Variants in TOPBP1 observed in about 807,000 individuals in gnomAD.
TOPBP1 encodes the protein DNA topoisomerase 2-binding protein 1.
TOPBP1 carries 28 observed loss-of-function variants against 167.7 expected under a neutral mutation model. The observed-to-expected ratio is 0.17, with a 90% confidence interval of 0.12 to 0.23. The LOEUF is 0.23. Among genes scored for constraint, TOPBP1 ranks in the 10% least tolerant of loss-of-function variants. The probability of loss-of-function intolerance (pLI) is 1.00; values close to 1 mark genes in which losing one functional copy is unlikely to be tolerated. For synonymous variants in TOPBP1, 598 were observed against 611.4 expected, an observed-to-expected ratio of 0.98 and a Z score of 0.32; for missense variants, 1,554 against 1,809.6, an observed-to-expected ratio of 0.86 and a Z score of 2.56.
At chr3:133,652,660 G>C in intron 7 of TOPBP1, 31 bp from the exon 8 acceptor site, 1 of 1,538,322 alleles carries the variant, frequency 6.5e-7, no homozygotes. Context: ...TAAATTTATG[G>C]GAGATAAAAT....
intron 1 of TOPBP1, 105 bp from the exon 2 acceptor site, chr3:133,661,239 G>T: frequency 1.3e-6 from 1 of 783,752 alleles, no homozygotes; most frequent in Middle Eastern, 2.5e-4. Flanking sequence ...CCTAAAGACA[G>T]ACATTCTGGC....
chr3:133,622,293 C>T (rs189869539), intron 19 of TOPBP1, among the ~76,000 whole-genome samples: 172 of 148,232 alleles, frequency 1.2e-3, no homozygotes, highest in African/African-American at 3.2e-3. Flanking sequence ...CGAGTTCAAG[C>T]GATTCTCCTG....
rs1658766664 is a variant in TOPBP1, at chr3:133,644,122, G to A, written c.1746C>T (p.Ile582=). 6.2e-6 allele frequency: 10 copies of A among 1,613,802 alleles called. No individual in the cohort carries two copies. The highest frequency in any genetic ancestry group is 1.7e-5 in the Admixed American group (1 of 59,982). The change falls in exon 11 of 28, where the codon ATC becomes ATT. Residue 582 remains isoleucine, a synonymous_variant. Transcript: ENST00000260810. The part of the protein sequence containing the change: ...ANIIKENAGK[I]MSLLSRTVAD... The stretch of plus-strand genomic sequence containing the variant: ...CAACAGTTCTGCTCAGAAGGGACAT[G>A]ATTTTCCCAGCATTTTCTTTTATGA...
chr3:133,649,973 A>G (rs752922179), intron 8 of TOPBP1, 30 bp from the exon 9 acceptor site: 2 of 1,497,970 alleles, frequency 1.3e-6, no homozygotes, highest in Non-Finnish European at 1.8e-6. Flanking sequence ...TAATATACAT[A>G]ACATGCTTTC....
rs780543053 is a variant in TOPBP1, at chr3:133,601,328, CTTA to C, written c.4488_4490del (p.Asn1496del). 6.3e-7 allele frequency: 1 copy of C among 1,598,484 alleles called. No individual in the cohort carries two copies. Among genetic ancestry groups the C allele is most frequent in the Non-Finnish European group, 8.5e-7 (1 of 1,172,960 alleles). On this transcript the variant is annotated inframe_deletion, in exon 28 of 28. Coordinates refer to ENST00000260810, the MANE Select transcript of TOPBP1 (RefSeq NM_007027.4). ...TTTGTGATAATCCAGTCCCAAGTTC[CTTA>C]TTATTCTGAATAAATGAAATAGCTT...
At chr3:133,653,629 ATTT>A (rs758153679) in intron 6 of TOPBP1, 105 bp from the exon 7 acceptor site, 1,436 of 769,676 alleles carry the variant, frequency 1.9e-3, no homozygotes, top group South Asian at 3.8e-3. Flanking sequence ...ACAGGTTAAT[ATTT>A]TTTTTTTTTT....
chr3:133,656,667 C>A lies in TOPBP1; in HGVS notation c.545+9G>T. On this transcript the variant is annotated intron_variant, in intron 5 of 27. Transcript: ENST00000260810. ...TCAAATCTAGAAAATATAAAAATGTCTTTCTTACTTCTCTTGTGACTTCTC... is the reference window on the plus strand; with the variant it reads ...TCAAATCTAGAAAATATAAAAATGTATTTCTTACTTCTCTTGTGACTTCTC... The A allele has an allele frequency of 5.1e-6, 8 of 1,577,482 alleles. No homozygotes were observed. The highest frequency in any genetic ancestry group is 6.9e-6 in the Non-Finnish European group (8 of 1,164,968).
chr3:133,659,296 G>A, intron 2 of TOPBP1, 146 bp from the exon 3 acceptor site: 1 of 770,080 alleles, frequency 1.3e-6, no homozygotes, highest in Non-Finnish European at 2.0e-6. Context: ...CTCCCAAGTG[G>A]TCTCTTTTTC....
At chr3:133,616,181 G>A (rs913339262) in intron 23 of TOPBP1, among the ~76,000 whole-genome samples, 1 of 150,116 alleles carries the variant, frequency 6.7e-6, no homozygotes, top group African/African-American at 2.5e-5. Flanking sequence ...GTACAGTGGC[G>A]CTATCTTGGC....
At position 133,637,976 on chromosome 3, in the gene TOPBP1, G is replaced by T; in HGVS notation, c.2420C>A (p.Ala807Glu). 1 of 1,613,970 alleles carries T rather than the reference G, an allele frequency of 6.2e-7. No homozygotes were observed. ...CTCCTTCTGAAGTGGTTGTCCTACT[G>T]CTGGGGAGGCTGCGACCTGTCTGGC... is the stretch of plus-strand genomic sequence containing the variant. ...QHARQVAASP[A>E]VGQPLQKEPS... The change falls in exon 14 of 28, where the codon GCA (alanine) becomes GAA (glutamate). Residue 807 changes from alanine (A) to glutamate (E), a missense_variant. Physicochemically the swap from Ala to Glu is moderately radical, Grantham distance 107. Transcript: ENST00000260810.
Position 133,609,006 on chromosome 3 carries a change from A to G in TOPBP1, c.4174-44T>C, listed in dbSNP as rs564153196. 4.2e-6 allele frequency: 6 copies of G among 1,412,004 alleles called. No individual in the cohort carries two copies. The South Asian group carries it at 6.2e-5, about 15-fold the overall frequency. 87.5% of individuals were successfully genotyped at this position (1,412,004 alleles called of 1,614,324 possible). On this transcript the variant is annotated intron_variant, in intron 25 of 27. Transcript: ENST00000260810. ...CAGTGGTGAAATCATTTGGAAAATA[A>G]CAAAATAATACAGATAATGCATGAT... is the stretch of plus-strand genomic sequence containing the variant.
At chr3:133,659,711 T>C (rs1936614704) in intron 2 of TOPBP1, among the ~76,000 whole-genome samples, 1 of 152,162 alleles carries the variant, frequency 6.6e-6, no homozygotes, top group South Asian at 2.1e-4. Flanking sequence ...TCAGGCTTTC[T>C]CAAATACCCT....
At chr3:133,652,350 G>C (rs1389192061) in intron 8 of TOPBP1, 113 bp downstream of exon 8, 2 of 1,111,494 alleles carry the variant, frequency 1.8e-6, no homozygotes, top group African/African-American at 1.6e-5. Flanking sequence ...AGCTAGAGTG[G>C]AGGGTTTACA....
At chr3:133,657,723 T>C in intron 4 of TOPBP1, 75 bp downstream of exon 4, 1 of 1,236,230 alleles carries the variant, frequency 8.1e-7, no homozygotes, top group South Asian at 2.6e-5. Flanking sequence ...TTTTAAGCTA[T>C]CTTCTATGCA....
chr3:133,618,338 C>G lies in TOPBP1; in HGVS notation c.3467G>C (p.Arg1156Thr). The G allele has an allele frequency of 6.2e-7, 1 of 1,613,992 alleles. No individual in the cohort carries two copies. Among genetic ancestry groups the G allele is most frequent in the Non-Finnish European group, 8.5e-7 (1 of 1,179,864 alleles). The change falls in exon 21 of 28, where the codon AGG (arginine) becomes ACG (threonine). Residue 1156 changes from arginine (R) to threonine (T), a missense_variant. Around this residue, in one of 3 missense-constraint regions of TOPBP1, gnomAD observed 6 missense variants for 25.2 expected, o/e 0.24. Coordinates refer to ENST00000260810, the MANE Select transcript of TOPBP1 (RefSeq NM_007027.4). ...AGGCCACTGCAAATTGCTGGCAAGCCTTGCTCTCTCCTCCCTTGCTGTAGG... is the reference window on the plus strand; with the variant it reads ...AGGCCACTGCAAATTGCTGGCAAGCGTTGCTCTCTCCTCCCTTGCTGTAGG... ...DDPTAREERA[R>T]LASNLQWPSC... is the part of the protein sequence containing the mutation.
Position 133,623,182 on chromosome 3 carries a change from C to T in TOPBP1, c.3087G>A (p.Leu1029=), listed in dbSNP as rs1255476958. 6.2e-7 allele frequency: 1 copy of T among 1,611,816 alleles called. No homozygotes were observed. Among genetic ancestry groups the T allele is most frequent in the Non-Finnish European group, 8.5e-7 (1 of 1,178,854 alleles). Residue 1029 remains leucine (L), a synonymous_variant, in exon 19 of 28, where the codon TTG becomes TTA. Coordinates refer to ENST00000260810, the MANE Select transcript of TOPBP1 (RefSeq NM_007027.4). ...SSTKDDEPDP[L]ILEENDVDNM... Reference sequence around the variant, plus strand: ...TGTCTACATCATTTTCTTCTAAAATCAAAGGATCTGGCTATTGAAAAAGAA... The same window carrying T: ...TGTCTACATCATTTTCTTCTAAAATTAAAGGATCTGGCTATTGAAAAAGAA...
At chr3:133,661,180 TA>T (rs1428270813) in intron 1 of TOPBP1, 46 bp from the exon 2 acceptor site, 4 of 1,433,648 alleles carry the variant, frequency 2.8e-6, no homozygotes, top group African/African-American at 1.5e-5. Flanking sequence ...CCACATTAGA[TA>T]AAAAGTTGCA....
At chr3:133,626,140 C>T (rs1935260514) in intron 16 of TOPBP1, among the ~76,000 whole-genome samples, 1 of 152,204 alleles carries the variant, frequency 6.6e-6, no homozygotes. Context: ...TTTGCAACTG[C>T]TCAACTTTTG....
intron 7 of TOPBP1, among the ~76,000 whole-genome samples, 159 bp downstream of exon 7, chr3:133,653,186 C>T (rs911835270): frequency 3.9e-5 from 6 of 152,118 alleles, no homozygotes; most frequent in Admixed American, 3.3e-4. Flanking sequence ...CAGTTCAGTG[C>T]TAACTTTTTA....
Sources: gnomAD v4.1 joint callset for allele counts (sites outside exome capture counted in the v4.1 genomes callset) on GRCh38, gnomAD v4.1.1 for gene constraint, gnomAD v4.1.1 regional missense constraint, MANE v1.5 for transcripts, NCBI Gene and HGNC (gene_info 2026-07-23, HGNC 2026-07-21) for gene names.